Variants in RAD51B observed in about 807,000 individuals in gnomAD.
RAD51B encodes the protein DNA repair protein RAD51 homolog 2.
RAD51B carries 38 observed loss-of-function variants against 42.2 expected under a neutral mutation model. That is an observed-to-expected ratio of 0.90 (90% CI 0.70 to 1.18). The LOEUF (loss-of-function observed/expected upper bound fraction) is 1.18. Among genes scored for constraint, RAD51B ranks in the 50% most tolerant of loss-of-function variants. The pLI is 0.00. For missense variants in RAD51B, 373 were observed against 400.7 expected (o/e 0.93, Z 0.59); for synonymous variants, 154 against 145.2 (o/e 1.06, Z -0.43).
At chr14:68,253,721 TA>T (rs2080690748) in intron 7 of RAD51B, among the ~76,000 whole-genome samples, 1 of 152,260 alleles carries the variant, frequency 6.6e-6, no homozygotes, top group Non-Finnish European at 1.5e-5. Flanking sequence ...TGCTTTACAG[TA>T]ACCCCCCTGT....
intron 7 of RAD51B, among the ~76,000 whole-genome samples, chr14:68,126,534 T>C (rs1232005345): frequency 6.6e-6 from 1 of 152,204 alleles, no homozygotes; most frequent in African/African-American, 2.4e-5. Flanking sequence ...TTTTCATGTA[T>C]GACACGTTGA....
At chr14:68,000,111 C>G (rs1263113697) in intron 7 of RAD51B, among the ~76,000 whole-genome samples, 1 of 152,138 alleles carries the variant, frequency 6.6e-6, no homozygotes, top group Non-Finnish European at 1.5e-5. Flanking sequence ...CTTCCTTAGG[C>G]CATTCCTATT....
chr14:68,647,286 A>G (rs1459364381), intron 10 of RAD51B, among the ~76,000 whole-genome samples: 3 of 152,314 alleles, frequency 2.0e-5, no homozygotes, highest in East Asian at 3.9e-4. Context: ...AAAAACTTCA[A>G]AATAATTGTT....
At chr14:68,158,019 G>T (rs1242925838) in intron 7 of RAD51B, among the ~76,000 whole-genome samples, 1 of 152,124 alleles carries the variant, frequency 6.6e-6, no homozygotes, top group East Asian at 1.9e-4. Flanking sequence ...GAAAGAGAAA[G>T]AGCTTTTGCC....
rs565883963 is a variant in RAD51B at position 68,339,013 on chromosome 14, C to T, written c.853+47033C>T. On this transcript the variant is annotated intron_variant, in intron 8 of 10. Transcript: ENST00000471583. ...GGGACCCCCTTTTTACAACATGGGG[C>T]AGGCAGGCAGAAGACAGCCAGCTCG... is the stretch of plus-strand genomic sequence containing the variant. 12 of 654,348 alleles carry T rather than the reference C, an allele frequency of 1.8e-5. No individual in the cohort carries two copies. The East Asian group carries it at 3.4e-4, about 19-fold the overall frequency. The allele number at this position is 654,348 out of a possible 1,614,324, so 40.5% of individuals were successfully genotyped here.
intron 8 of RAD51B, among the ~76,000 whole-genome samples, chr14:68,386,261 T>C (rs1259571253): frequency 6.6e-6 from 1 of 152,134 alleles, no homozygotes; most frequent in African/African-American, 2.4e-5. Flanking sequence ...ATAATTAGGA[T>C]GATCAAAAAA....
At chr14:68,674,882 C>G (rs187930895) in intron 11 of RAD51B, among the ~76,000 whole-genome samples, 45 of 152,276 alleles carry the variant, frequency 3.0e-4, no homozygotes, top group Non-Finnish European at 4.7e-4. Flanking sequence ...TGGAAGGGGA[C>G]GCCACCTGGA....
At chr14:68,569,219 G>A (rs1889571975) in intron 10 of RAD51B, among the ~76,000 whole-genome samples, 1 of 152,222 alleles carries the variant, frequency 6.6e-6, no homozygotes, top group Non-Finnish European at 1.5e-5. Context: ...ATGGGCCAGA[G>A]CCCTGACCTC....
In RAD51B at chr14:67,876,047, A is replaced by G. The variant is rs1595047111; in HGVS notation, c.453-9822A>G. On this transcript the variant is annotated intron_variant, in intron 5 of 10. Coordinates refer to ENST00000471583, the MANE Select transcript of RAD51B (RefSeq NM_133510.4). ...TATCATTTGTGAATCTAGGTGAATTAGTGGGGAGGGAGATCCTGAAAAGTT... is the reference window on the plus strand; with the variant it reads ...TATCATTTGTGAATCTAGGTGAATTGGTGGGGAGGGAGATCCTGAAAAGTT... 2.0e-5 allele frequency among the ~76,000 whole-genome samples: 3 copies of G among 152,246 alleles called. No individual in the cohort carries two copies. In the Middle Eastern group the frequency reaches 0.01, roughly 518 times the overall value.
intron 7 of RAD51B, among the ~76,000 whole-genome samples, chr14:68,015,393 A>C (rs2075761179): frequency 6.6e-6 from 1 of 152,208 alleles, no homozygotes; most frequent in Non-Finnish European, 1.5e-5. Flanking sequence ...ATGGTGTATT[A>C]GTCTGTTCTC....
At chr14:68,566,430 A>G (rs1030735731) in intron 10 of RAD51B, among the ~76,000 whole-genome samples, 2 of 152,232 alleles carry the variant, frequency 1.3e-5, no homozygotes, top group African/African-American at 4.8e-5. Context: ...TTCAAACAGC[A>G]AGTCAGCAGC....
chr14:68,055,782 T>C (rs2076464127), intron 7 of RAD51B, among the ~76,000 whole-genome samples: 1 of 152,174 alleles, frequency 6.6e-6, no homozygotes, highest in Non-Finnish European at 1.5e-5. Context: ...TAGGCTGGCA[T>C]GTTGATGCTT....
chr14:68,276,128 AT>A (rs2081219356), intron 7 of RAD51B, among the ~76,000 whole-genome samples: 1 of 152,202 alleles, frequency 6.6e-6, no homozygotes, highest in South Asian at 2.1e-4. Context: ...AAAGAGACAG[AT>A]TGGTCACCTT....
intron 11 of RAD51B, among the ~76,000 whole-genome samples, chr14:68,665,645 G>A (rs992482464): frequency 6.6e-6 from 1 of 152,216 alleles, no homozygotes; most frequent in African/African-American, 2.4e-5. Flanking sequence ...TATGGAAAGG[G>A]ATCATGGGGC....
chr14:68,231,538 A>G (rs550448103), intron 7 of RAD51B, among the ~76,000 whole-genome samples: 5 of 152,264 alleles, frequency 3.3e-5, no homozygotes, highest in Admixed American at 3.3e-4. Context: ...TGTGTGCCAA[A>G]AGGCAAAATC....
At chr14:68,333,043 A>C (rs2082380159) in intron 8 of RAD51B, among the ~76,000 whole-genome samples, 1 of 151,962 alleles carries the variant, frequency 6.6e-6, no homozygotes, top group African/African-American at 2.4e-5. Flanking sequence ...CAACCCACCC[A>C]CCCAGCTGAG....
At chr14:68,099,232 T>C (rs1429535136) in intron 7 of RAD51B, among the ~76,000 whole-genome samples, 1 of 152,180 alleles carries the variant, frequency 6.6e-6, no homozygotes, top group Non-Finnish European at 1.5e-5. Flanking sequence ...AGGATACTGG[T>C]CCTGGGGACA....
chr14:68,280,487 A>G (rs1370755301), intron 7 of RAD51B, among the ~76,000 whole-genome samples: 1 of 152,176 alleles, frequency 6.6e-6, no homozygotes, highest in Non-Finnish European at 1.5e-5. Flanking sequence ...CTTGAACCTC[A>G]GTTTCCTCAT....
At chr14:68,208,654 C>T (rs975083983) in intron 7 of RAD51B, among the ~76,000 whole-genome samples, 1 of 152,170 alleles carries the variant, frequency 6.6e-6, no homozygotes, top group Admixed American at 6.5e-5. Context: ...TTGCTTTCCA[C>T]AGGAAAACAC....
Sources: gnomAD v4.1 joint callset for allele counts (sites outside exome capture counted in the v4.1 genomes callset) on GRCh38, gnomAD v4.1.1 for gene constraint, MANE v1.5 for transcripts, NCBI Gene and HGNC (gene_info 2026-07-23, HGNC 2026-07-21) for gene names.